Variants in ATP7A observed in about 807,000 individuals in gnomAD.
ATP7A encodes the protein copper-transporting ATPase 1.
A neutral mutation model predicts 83.5 loss-of-function variants in ATP7A; 7 were observed. The ratio of observed to expected loss-of-function variants is 0.08; its 90% confidence interval spans 0.05 to 0.16. ATP7A has a LOEUF of 0.16. ATP7A is among the 10% of genes least tolerant of loss of function. The probability of loss-of-function intolerance (pLI) is 1.00; values close to 1 mark genes in which losing one functional copy is unlikely to be tolerated. For missense variants in ATP7A, 940 were observed against 1,120.8 expected (o/e 0.84, Z 2.30); for synonymous variants, 354 against 395.2 (o/e 0.90, Z 1.24).
At chrX:78,010,839 A>G (rs1390013270) in intron 7 of ATP7A, among the ~76,000 whole-genome samples, 2 of 110,444 alleles carry the variant, frequency 1.8e-5, no homozygotes, top group Non-Finnish European at 3.8e-5. Context: ...TTGGCCTCCC[A>G]AAGTGCTGGG....
At chrX:77,935,757 T>C (rs1316679060) in intron 1 of ATP7A, among the ~76,000 whole-genome samples, 2 of 112,478 alleles carry the variant, frequency 1.8e-5, no homozygotes, top group Non-Finnish European at 3.8e-5. Context: ...ACCAGGCCAG[T>C]TGACTTAAGA....
intron 10 of ATP7A, among the ~76,000 whole-genome samples, chrX:78,014,384 A>G (rs2077847284): frequency 9.0e-6 from 1 of 110,649 alleles, no homozygotes; most frequent in African/African-American, 3.3e-5. Flanking sequence ...CAGCCTGGGT[A>G]ACAGAGTGAG....
At position 78,020,326 on chromosome X, in the gene ATP7A, C is replaced by T. The variant is rs140838569; in HGVS notation, c.2709C>T (p.Cys903=). The part of the protein sequence containing the change: ...SINQNGSLLI[C]ATHVGADTTL... Reference sequence around the variant, plus strand: ...ACCAGAACGGGTCACTGCTTATCTGCGCAACACATGTTGGAGCAGACACAA... The same window carrying T: ...ACCAGAACGGGTCACTGCTTATCTGTGCAACACATGTTGGAGCAGACACAA... Residue 903 remains cysteine, a synonymous_variant, in exon 13 of 23, where the codon TGC becomes TGT. Coordinates refer to ENST00000341514, the MANE Select transcript of ATP7A (RefSeq NM_000052.7). The T allele has an allele frequency of 1.2e-4, 148 of 1,209,985 alleles. No homozygotes were observed. The highest frequency in any genetic ancestry group is 9.4e-4 in the African/African-American group (54 of 57,286).
rs1557238258 is a variant in ATP7A, at chrX:78,040,647, G to A, written c.3715G>A (p.Ala1239Thr). 1 of 1,210,798 alleles carries A rather than the reference G, an allele frequency of 8.3e-7. No individual in the cohort carries two copies. Among genetic ancestry groups the A allele is most frequent in the South Asian group, 1.8e-5 (1 of 56,982 alleles). Reference protein sequence around the residue: ...ADTVKPEAELAIHILKSMGLE... With the variant: ...ADTVKPEAELTIHILKSMGLE... Reference sequence around the variant, plus strand: ...CACAGTGAAGCCTGAAGCAGAACTGGCTATCCATATTCTGAAATCTATGGG... The same window carrying A: ...CACAGTGAAGCCTGAAGCAGAACTGACTATCCATATTCTGAAATCTATGGG... The change falls in exon 19 of 23, where the codon GCT becomes ACT. Residue 1239 changes from alanine to threonine, a missense_variant. This residue lies in a region of ATP7A where 386 missense variants were observed against 502.2 expected (regional missense o/e 0.77). Coordinates refer to ENST00000341514, the MANE Select transcript of ATP7A (RefSeq NM_000052.7).
chrX:77,992,643 G>A (rs983586202), intron 4 of ATP7A, among the ~76,000 whole-genome samples: 1 of 110,175 alleles, frequency 9.1e-6, no homozygotes, highest in African/African-American at 3.3e-5. Flanking sequence ...ATGGAGTCTT[G>A]CTCTTTCACC....
chrX:77,969,223 T>A (rs1417263979), intron 1 of ATP7A: 5 of 1,212,076 alleles, frequency 4.1e-6, no homozygotes, highest in Non-Finnish European at 5.6e-6. Flanking sequence ...ATACCTGCGA[T>A]CCTTACTGAT....
chrX:78,045,471 A>C lies in ATP7A; in HGVS notation c.4125A>C (p.Gly1375=), dbSNP rs782016665. 1 of 1,204,198 alleles carries C rather than the reference A, an allele frequency of 8.3e-7. No homozygotes were observed. The highest frequency in any genetic ancestry group is 1.1e-6 in the Non-Finnish European group (1 of 889,154). The change falls in exon 22 of 23, where the codon GGA becomes GGC. Residue 1375 remains glycine (G), a splice_region_variant and synonymous_variant. Transcript: ENST00000341514. ...AACTAATCCATACTTGTTTCTTAGG[A>C]GTTTTTATGCCCATTGGTTTGGTTT... The part of the protein sequence containing the change: ...YNLVGIPIAA[G]VFMPIGLVLQ...
In ATP7A at chrX:78,040,680, G is replaced by A; in HGVS notation, c.3748G>A (p.Val1250Ile). The change falls in exon 19 of 23, where the codon GTA (valine) becomes ATA (isoleucine). Residue 1250 changes from valine (V) to isoleucine (I), a missense_variant. Transcript: ENST00000341514. Reference sequence around the variant, plus strand: ...TATTCTGAAATCTATGGGCTTAGAAGTAGTTCTGATGACTGGAGACAACAG... The same window carrying A: ...TATTCTGAAATCTATGGGCTTAGAAATAGTTCTGATGACTGGAGACAACAG... ...IHILKSMGLE[V>I]VLMTGDNSKT... 8.3e-7 allele frequency: 1 copy of A among 1,211,296 alleles called. No homozygotes were observed. Among genetic ancestry groups the A allele is most frequent in the Non-Finnish European group, 1.1e-6 (1 of 894,906 alleles).
rs1041031448 is a variant in ATP7A at position 77,960,793 on chromosome X, G to A, written c.-21-10828G>A. ...TTCTCAGAGTCACTCATCACTAACA[G>A]CTGGATGCCAAATTTGTCTCTTTGA... On this transcript the variant is annotated intron_variant, in intron 1 of 22. Transcript: ENST00000341514. Among the ~76,000 whole-genome samples the A allele has an allele frequency of 1.1e-4, 12 of 111,773 alleles. 1 individual carries two copies. The highest frequency in any genetic ancestry group is 5.6e-5 in the Non-Finnish European group (3 of 53,216).
chrX:78,009,923 AAAAC>A (rs1222043993), intron 7 of ATP7A, among the ~76,000 whole-genome samples: 1 of 112,850 alleles, frequency 8.9e-6, no homozygotes, highest in Admixed American at 9.4e-5. Context: ...CCTTGTCTCT[AAAAC>A]AAACAAACAA....
chrX:77,994,081 T>C lies in ATP7A; in HGVS notation c.1336+4123T>C, dbSNP rs184406698. ...TAGCATTTTATTATTATTATTATTA[T>C]TGGAGACAGAGTTGCACTCTGTTGC... On this transcript the variant is annotated intron_variant, in intron 4 of 22. Transcript: ENST00000341514. 3.2e-3 allele frequency among the ~76,000 whole-genome samples: 357 copies of C among 110,770 alleles called. 1 individual carries two copies. The highest frequency in any genetic ancestry group is 3.7e-3 in the Admixed American group (38 of 10,317).
intron 1 of ATP7A, among the ~76,000 whole-genome samples, chrX:77,925,609 G>C (rs1187583792): frequency 2.7e-5 from 3 of 111,398 alleles, no homozygotes; most frequent in Non-Finnish European, 5.7e-5. Flanking sequence ...CTAGTACAGA[G>C]TAAAAATAGC....
intron 1 of ATP7A, among the ~76,000 whole-genome samples, chrX:77,948,232 T>C (rs1002984838): frequency 9.1e-5 from 10 of 109,662 alleles, no homozygotes; most frequent in Non-Finnish European, 1.9e-4. Context: ...GTTCATGCCA[T>C]TCTTCTGCCT....
At chrX:77,937,480 C>G (rs1174769926) in intron 1 of ATP7A, among the ~76,000 whole-genome samples, 1 of 112,232 alleles carries the variant, frequency 8.9e-6, no homozygotes, top group Non-Finnish European at 1.9e-5. Flanking sequence ...AAATGAAAAC[C>G]TGTGTTTACA....
chrX:78,046,836 T>A lies in ATP7A; in HGVS notation c.*266T>A, dbSNP rs2078086321. 6.8e-6 allele frequency: 2 copies of A among 292,479 alleles called. No individual in the cohort carries two copies. The highest frequency in any genetic ancestry group is 5.8e-5 in the East Asian group (1 of 17,189). The allele number at this position is 292,479 out of a possible 1,213,427, so 24.1% of individuals were successfully genotyped here. A position where few individuals can be genotyped will look rare whatever the true frequency, so the allele number is the denominator to read the frequency against. ...GAGCAGTGAGGTTTACAACAAGCCCTACAATTAGAGATTGCTGAACTGCTG... is the reference window on the plus strand; with the variant it reads ...GAGCAGTGAGGTTTACAACAAGCCCAACAATTAGAGATTGCTGAACTGCTG... On this transcript the variant is annotated 3_prime_UTR_variant, in exon 23 of 23. Transcript: ENST00000341514.
chrX:77,927,156 T>A (rs1557223680), intron 1 of ATP7A, among the ~76,000 whole-genome samples: 1 of 112,236 alleles, frequency 8.9e-6, no homozygotes, highest in African/African-American at 3.2e-5. Context: ...TCAATAAATA[T>A]GTGCTAACTA....
intron 4 of ATP7A, among the ~76,000 whole-genome samples, 162 bp from the exon 5 acceptor site, chrX:77,998,316 G>A (rs1333482907): frequency 3.6e-5 from 4 of 111,726 alleles, no homozygotes; most frequent in African/African-American, 1.3e-4. Flanking sequence ...AAGTCACTGC[G>A]GAGGAAAGTG....
intron 14 of ATP7A, among the ~76,000 whole-genome samples, chrX:78,028,859 A>G (rs1557236647): frequency 8.9e-6 from 1 of 112,365 alleles, no homozygotes; most frequent in African/African-American, 3.2e-5. Context: ...ATTCTTTTTC[A>G]TTGTCTTTCA....
At chrX:77,958,104 A>C (rs1350228707) in intron 1 of ATP7A, among the ~76,000 whole-genome samples, 4 of 110,362 alleles carry the variant, frequency 3.6e-5, no homozygotes, top group Non-Finnish European at 3.8e-5. Context: ...GTTTTTCACC[A>C]TCTCTTACAG....
Sources: allele counts gnomAD v4.1 joint callset (sites outside exome capture counted in the v4.1 genomes callset), GRCh38; gene constraint gnomAD v4.1.1; regional missense constraint gnomAD v4.1.1; transcripts MANE v1.5; gene names NCBI Gene and HGNC (gene_info 2026-07-23, HGNC 2026-07-21).